WDR24: variants seen among roughly 807,000 people sequenced by gnomAD.
WDR24 encodes the protein WD repeat domain 24, also known as GATOR2 complex protein WDR24.
WDR24 carries 32 observed loss-of-function variants against 66.7 expected under a neutral mutation model. The ratio of observed to expected loss-of-function variants is 0.48; its 90% CI spans 0.36 to 0.64. WDR24 has a LOEUF of 0.64. Among genes scored for constraint, WDR24 ranks in the 30% least tolerant of loss-of-function variants. The probability of loss-of-function intolerance (pLI) is 0.00; values close to 1 mark genes in which losing one functional copy is unlikely to be tolerated. For synonymous variants in WDR24, 565 were observed against 469.1 expected, an observed-to-expected ratio of 1.20 and a Z score of -2.64; for missense variants, 978 against 1,144.1, an observed-to-expected ratio of 0.85 and a Z score of 2.09.
intron 5 of WDR24, 21 bp downstream of exon 5, chr16:685,848 C>T: frequency 6.2e-7 from 1 of 1,613,144 alleles, no homozygotes; most frequent in Non-Finnish European, 8.5e-7. Context: ...CCCATCAGCA[C>T]CCCTACCCAC....
Position 690,006 on chromosome 16 carries a change from A to C in WDR24, c.-366T>G. 1 of 506,572 alleles carries C rather than the reference A, an allele frequency of 2.0e-6. No individual in the cohort carries two copies. The highest frequency in any genetic ancestry group is 3.9e-6 in the Non-Finnish European group (1 of 259,734). The allele number at this position is 506,572 out of a possible 1,614,324, so 31.4% of individuals were successfully genotyped here. A position where few individuals can be genotyped will look rare whatever the true frequency, so the allele number is the denominator to read the frequency against. On this transcript the variant is annotated 5_prime_UTR_variant, in exon 1 of 9. Coordinates refer to ENST00000293883, the MANE Select transcript of WDR24 (RefSeq NM_032259.4). ...ATCAGCCAGATCTGGGCAGTCACTA[A>C]ACGCTCGGTCAGTCAATCCCAGCAG...
intron 2 of WDR24, 47 bp from the exon 3 acceptor site, chr16:687,463 A>C (rs369951580): frequency 1.9e-4 from 296 of 1,570,756 alleles, no homozygotes; most frequent in Non-Finnish European, 2.4e-4. Context: ...TTTCCTGCAG[A>C]GAGGGGACCC....
In WDR24 at chr16:685,694, G is replaced by A. The variant is rs1190686831; in HGVS notation, c.1663C>T (p.Pro555Ser). 1.2e-6 allele frequency: 2 copies of A among 1,613,126 alleles called. No individual in the cohort carries two copies. The highest frequency in any genetic ancestry group is 1.7e-6 in the Non-Finnish European group (2 of 1,180,002). Residue 555 changes from proline (P) to serine (S), a missense_variant, in exon 6 of 9, where the codon CCG (proline) becomes TCG (serine). Physicochemically the swap from Pro to Ser is moderately conservative, Grantham distance 74. Coordinates refer to ENST00000293883, the MANE Select transcript of WDR24 (RefSeq NM_032259.4). The stretch of plus-strand genomic sequence containing the variant: ...CCCCACTCACGGTGCGCGTGTTCCG[G>A]ATCCAGCAGGTACAGCTCGTCCTCC... ...GEEDELYLLD[P>S]EHAHPEDPEC...
At position 687,318 on chromosome 16, in the gene WDR24, G is replaced by T; in HGVS notation, c.758C>A (p.Ser253Ter). ...TGGCCGCCACTTCACACGGGCCACC[G>T]AGGCGATGGTCTGCACACAGTGCAT... ...KEMHCVQTIA[S>*]VARVKWRPEC... The change falls in exon 3 of 9, where the codon TCG becomes TAG. Residue 253 changes from serine (S) to a stop codon, truncating the protein, a stop_gained. Transcript: ENST00000293883. LOFTEE classifies it high-confidence loss of function. 6.2e-7 allele frequency: 1 copy of T among 1,603,594 alleles called. No individual in the cohort carries two copies.
At position 689,239 on chromosome 16, in the gene WDR24, G is replaced by C. The variant is rs754936701; in HGVS notation, c.402C>G (p.His134Gln). ...NKVCFHPTEAHVLLSGSQDGF... is the reference protein window; with the variant it reads ...NKVCFHPTEAQVLLSGSQDGF... Reference sequence around the variant, plus strand: ...CATCCTGGGAGCCACTGAGCAGCACGTGGGCTTCGGTGGGGTGGAAGCAGA... The same window carrying C: ...CATCCTGGGAGCCACTGAGCAGCACCTGGGCTTCGGTGGGGTGGAAGCAGA... Residue 134 changes from histidine to glutamine, a missense_variant, in exon 1 of 9, where the codon CAC (histidine) becomes CAG (glutamine). Physicochemically the swap from His to Gln is conservative, Grantham distance 24 (BLOSUM62 0). Transcript: ENST00000293883. The C allele has an allele frequency of 2.5e-6, 4 of 1,614,000 alleles. No homozygotes were observed. In the Admixed American group the frequency reaches 5.0e-5, roughly 20 times the overall value.
In WDR24 at chr16:686,085, G is replaced by A; in HGVS notation, c.1434C>T (p.Gly478=). Residue 478 remains glycine (G), a synonymous_variant, in exon 4 of 9, where the codon GGC becomes GGT. Transcript: ENST00000293883. ...NHSVGKGGSC[G]LPLMNSFNLK... ...GCATCTACCTGTTCATGAGCGGGAGGCCACAGGAGCCACCCTTGCCCACAC... is the reference window on the plus strand; with the variant it reads ...GCATCTACCTGTTCATGAGCGGGAGACCACAGGAGCCACCCTTGCCCACAC... 8 of 1,612,892 alleles carry A rather than the reference G, an allele frequency of 5.0e-6. No homozygotes were observed. The highest frequency in any genetic ancestry group is 2.2e-5 in the East Asian group (1 of 44,888).
intron 1 of WDR24, chr16:688,220 G>A: frequency 2.7e-6 from 1 of 375,824 alleles, no homozygotes; most frequent in South Asian, 1.9e-5. Flanking sequence ...CCACCCTAGG[G>A]GACCACCACA....
chr16:685,170 A>C lies in WDR24; in HGVS notation c.2026T>G (p.Trp676Gly). The change falls in exon 8 of 9, where the codon TGG becomes GGG. Residue 676 changes from tryptophan to glycine, a missense_variant. Trp to Gly is a radical substitution (Grantham distance 184). Coordinates refer to ENST00000293883, the MANE Select transcript of WDR24 (RefSeq NM_032259.4). ...AGCAGGTCGATGTAGGAAGTGTACCAGTGCTCCTGGGGGAGGGAGCGCCCG... is the reference window on the plus strand; with the variant it reads ...AGCAGGTCGATGTAGGAAGTGTACCCGTGCTCCTGGGGGAGGGAGCGCCCG... ...KDIDEQTQEH[W>G]YTSYIDLLQR... The C allele has an allele frequency of 1.3e-6, 2 of 1,585,276 alleles. No homozygotes were observed. Among genetic ancestry groups the C allele is most frequent in the Non-Finnish European group, 1.7e-6 (2 of 1,166,414 alleles).
Position 690,202 on chromosome 16 carries a change from A to C in WDR24, c.-562T>G. ...AGGACCGAGCTACTTAAGGAGCTCG[A>C]GGTGTCTGGCGGGACCGGAGGCAGG... On this transcript the variant is annotated 5_prime_UTR_variant, in exon 1 of 9. Transcript: ENST00000293883. 1 of 390,990 alleles carries C rather than the reference A, an allele frequency of 2.6e-6. No homozygotes were observed. The highest frequency in any genetic ancestry group is 1.9e-5 in the South Asian group (1 of 53,710). The allele number at this position is 390,990 out of a possible 1,614,324, so 24.2% of individuals were successfully genotyped here.
chr16:687,443 C>T, intron 2 of WDR24, 27 bp from the exon 3 acceptor site: 1 of 1,573,534 alleles, frequency 6.4e-7, no homozygotes, highest in Non-Finnish European at 8.6e-7. Context: ...CACCCAAACC[C>T]TCAGTGGCCT....
Position 685,994 on chromosome 16 carries a change from G to T in WDR24, c.1452-4C>A. The T allele has an allele frequency of 6.2e-7, 1 of 1,613,004 alleles. No homozygotes were observed. Among genetic ancestry groups the T allele is most frequent in the Non-Finnish European group, 8.5e-7 (1 of 1,179,974 alleles). ...GGCCATATCCTTCAGGTTGAAACTG[G>T]GGGCAGGAAGGGCCCATGGGTGGGT... On this transcript the variant is annotated splice_polypyrimidine_tract_variant and splice_region_variant and intron_variant, in intron 4 of 8. Coordinates refer to ENST00000293883, the MANE Select transcript of WDR24 (RefSeq NM_032259.4).
chr16:689,575 G>A lies in WDR24; in HGVS notation c.66C>T (p.His22=). Residue 22 remains histidine (H), a synonymous_variant, in exon 1 of 9, where the codon CAC becomes CAT. Coordinates refer to ENST00000293883, the MANE Select transcript of WDR24 (RefSeq NM_032259.4). ...GGSVLTGRTM[H]CHLDAPANAI... ...CATTGGCGGGAGCATCCAGGTGGCA[G>A]TGCATGGTGCGGCCTGTCAGCACGC... The A allele has an allele frequency of 5.0e-6, 8 of 1,612,998 alleles. No homozygotes were observed. Among genetic ancestry groups the A allele is most frequent in the Non-Finnish European group, 6.8e-6 (8 of 1,180,044 alleles).
chr16:685,190 C>A lies in WDR24; in HGVS notation c.2020-14G>T, dbSNP rs989806705. Reference sequence around the variant, plus strand: ...GTACCAGTGCTCCTGGGGGAGGGAGCGCCCGGCAGTCAGGATCTGGGTGCC... The same window carrying A: ...GTACCAGTGCTCCTGGGGGAGGGAGAGCCCGGCAGTCAGGATCTGGGTGCC... On this transcript the variant is annotated splice_polypyrimidine_tract_variant and intron_variant, in intron 7 of 8. Coordinates refer to ENST00000293883, the MANE Select transcript of WDR24 (RefSeq NM_032259.4). 1 of 1,591,322 alleles carries A rather than the reference C, an allele frequency of 6.3e-7. No individual in the cohort carries two copies. Among genetic ancestry groups the A allele is most frequent in the Non-Finnish European group, 8.6e-7 (1 of 1,168,704 alleles).
At position 687,620 on chromosome 16, in the gene WDR24, T is replaced by C; in HGVS notation, c.601A>G (p.Arg201Gly). Residue 201 changes from arginine (R) to glycine (G), a missense_variant, in exon 2 of 9, where the codon AGG becomes GGG. Physicochemically the swap from Arg to Gly is moderately radical, Grantham distance 125 (BLOSUM62 -2). This residue lies in a region of WDR24 where 302 missense variants were observed against 526.6 expected (regional missense o/e 0.57). Coordinates refer to ENST00000293883, the MANE Select transcript of WDR24 (RefSeq NM_032259.4). ...GGTCCGTTGTGGGCTGTGAACATCC[T>C]CTCGCACCGGTCGGGACGCCGGATG... is the stretch of plus-strand genomic sequence containing the variant. ...WDIRRPDRCE[R>G]MFTAHNGPVF... 1 of 1,613,502 alleles carries C rather than the reference T, an allele frequency of 6.2e-7. No homozygotes were observed.
At position 686,000 on chromosome 16, in the gene WDR24, G is replaced by A; in HGVS notation, c.1452-10C>T. 1 of 1,613,002 alleles carries A rather than the reference G, an allele frequency of 6.2e-7. No individual in the cohort carries two copies. The highest frequency in any genetic ancestry group is 8.5e-7 in the Non-Finnish European group (1 of 1,179,972). On this transcript the variant is annotated splice_polypyrimidine_tract_variant and intron_variant, in intron 4 of 8. Transcript: ENST00000293883. ...ATCCTTCAGGTTGAAACTGGGGGCA[G>A]GAAGGGCCCATGGGTGGGTGGGCTC... is the stretch of plus-strand genomic sequence containing the variant.
At chr16:686,432 T>C (rs1406268323) in intron 3 of WDR24, among the ~76,000 whole-genome samples, 1 of 152,056 alleles carries the variant, frequency 6.6e-6, no homozygotes, top group African/African-American at 2.4e-5. Context: ...GAGATGGGCA[T>C]GGGAACGGCA....
intron 1 of WDR24, chr16:688,939 C>T (rs918426240): frequency 2.4e-5 from 16 of 667,410 alleles, no homozygotes; most frequent in Non-Finnish European, 1.2e-5. Context: ...TCAATTTCTG[C>T]TGGTCTCATC....
In WDR24 at chr16:689,566, C is replaced by T; in HGVS notation, c.75G>A (p.Leu25=). 6.2e-7 allele frequency: 1 copy of T among 1,613,026 alleles called. No individual in the cohort carries two copies. The change falls in exon 1 of 9, where the codon CTG becomes CTA. Residue 25 remains leucine (L), a synonymous_variant. Transcript: ENST00000293883. ...VLTGRTMHCH[L]DAPANAISVC... is the part of the protein sequence containing the mutation. ...CACTGATGGCATTGGCGGGAGCATC[C>T]AGGTGGCAGTGCATGGTGCGGCCTG...
Position 690,132 on chromosome 16 carries a change from C to CG in WDR24, c.-493dup, listed in dbSNP as rs1327375881. On this transcript the variant is annotated 5_prime_UTR_variant, in exon 1 of 9. Coordinates refer to ENST00000293883, the MANE Select transcript of WDR24 (RefSeq NM_032259.4). ...GAGGGAACAGAGGGCTAGAGGGGCC[C>CG]GGGGACTCAGGCGATAGACGCGGGA... 1 of 443,536 alleles carries CG rather than the reference C, an allele frequency of 2.3e-6. No homozygotes were observed. Among genetic ancestry groups the CG allele is most frequent in the South Asian group, 1.6e-5 (1 of 63,202 alleles). 27.5% of individuals were successfully genotyped at this position (443,536 alleles called of 1,614,324 possible). A position where few individuals can be genotyped will look rare whatever the true frequency, so the allele number is the denominator to read the frequency against.
Sources: allele counts gnomAD v4.1 joint callset (sites outside exome capture counted in the v4.1 genomes callset), GRCh38; gene constraint gnomAD v4.1.1; regional missense constraint gnomAD v4.1.1; transcripts MANE v1.5; gene names NCBI Gene and HGNC (gene_info 2026-07-23, HGNC 2026-07-21).